Variants in GPC5 observed in about 807,000 individuals in gnomAD.
GPC5 encodes glypican 5.
Under a neutral mutation model 53.9 loss-of-function variants are expected in GPC5, and 47 were observed. The observed-to-expected ratio is 0.87, with a 90% CI of 0.69 to 1.11. The LOEUF is 1.11. Among genes scored for constraint, GPC5 ranks in the 50% most tolerant of loss-of-function variants. GPC5 has a pLI of 0.00. For synonymous variants in GPC5, 286 were observed against 263.3 expected, an observed-to-expected ratio of 1.09 and a Z score of -0.84; for missense variants, 748 against 713.1, an observed-to-expected ratio of 1.05 and a Z score of -0.56.
At chr13:91,469,266 G>C (rs1594129225) in intron 2 of GPC5, among the ~76,000 whole-genome samples, 1 of 151,912 alleles carries the variant, frequency 6.6e-6, no homozygotes, top group Non-Finnish European at 1.5e-5. Context: ...GCACCACCAT[G>C]TCCAGCTCAT....
At chr13:92,124,638 C>A (rs2041679722) in intron 6 of GPC5, among the ~76,000 whole-genome samples, 1 of 152,152 alleles carries the variant, frequency 6.6e-6, no homozygotes, top group Non-Finnish European at 1.5e-5. Context: ...CAGACTTCTG[C>A]ATACACAGAG....
At chr13:91,851,572 C>T (rs983386329) in intron 5 of GPC5, among the ~76,000 whole-genome samples, 3 of 150,716 alleles carry the variant, frequency 2.0e-5, no homozygotes, top group African/African-American at 4.9e-5. Flanking sequence ...CATATGTATA[C>T]ATGTGCCATG....
intron 3 of GPC5, among the ~76,000 whole-genome samples, chr13:91,704,504 C>A (rs1221145497): frequency 6.6e-6 from 1 of 152,182 alleles, no homozygotes; most frequent in Non-Finnish European, 1.5e-5. Context: ...CATACAGCAT[C>A]ATGGCAGTCA....
Position 91,811,332 on chromosome 13 carries a change from A to AAGAC in GPC5, c.1280+54912_1280+54913insAGAC, listed in dbSNP as rs1240807135. 1.7e-4 allele frequency among the ~76,000 whole-genome samples: 26 copies of AAGAC among 152,208 alleles called. No individual in the cohort carries two copies. The East Asian group carries it at 2.3e-3, about 14-fold the overall frequency. ...CTAACAGGGAAGACAGATAAGTGTT[A>AAGAC]CTTATCTGTAAGGTGTTTCTCTAAT... On this transcript the variant is annotated intron_variant, in intron 5 of 7. Transcript: ENST00000377067.
intron 2 of GPC5, among the ~76,000 whole-genome samples, chr13:91,500,982 G>T (rs1192042459): frequency 6.6e-6 from 1 of 152,092 alleles, no homozygotes; most frequent in African/African-American, 2.4e-5. Flanking sequence ...TGGAAGATGT[G>T]CCTTTCACCT....
At chr13:92,341,098 T>G (rs2043362680) in intron 7 of GPC5, among the ~76,000 whole-genome samples, 1 of 152,158 alleles carries the variant, frequency 6.6e-6, no homozygotes, top group Non-Finnish European at 1.5e-5. Context: ...ATTTTTATTT[T>G]AGTTTCAGGA....
At chr13:92,190,186 G>A (rs939748991) in intron 7 of GPC5, among the ~76,000 whole-genome samples, 2 of 151,686 alleles carry the variant, frequency 1.3e-5, no homozygotes, top group Non-Finnish European at 2.9e-5. Context: ...AATATTCAAA[G>A]TGTTGAGAGA....
intron 7 of GPC5, among the ~76,000 whole-genome samples, chr13:92,155,726 A>G (rs1242426072): frequency 2.0e-5 from 3 of 151,568 alleles, no homozygotes; most frequent in African/African-American, 7.2e-5. Context: ...TGCACATTGT[A>G]TTTATTTTTG....
chr13:92,088,187 A>G (rs1348744607), intron 6 of GPC5, among the ~76,000 whole-genome samples: 1 of 151,980 alleles, frequency 6.6e-6, no homozygotes, highest in African/African-American at 2.4e-5. Context: ...AGTAGCTTCT[A>G]TCCTAACTAC....
chr13:92,061,034 A>G (rs1413545565), intron 6 of GPC5, among the ~76,000 whole-genome samples: 3 of 151,980 alleles, frequency 2.0e-5, no homozygotes, highest in Admixed American at 2.0e-4. Context: ...CCTCCCCAGG[A>G]ATTACTTTTG....
At chr13:91,547,217 G>T (rs1367914328) in intron 2 of GPC5, among the ~76,000 whole-genome samples, 3 of 152,046 alleles carry the variant, frequency 2.0e-5, no homozygotes, top group African/African-American at 7.2e-5. Context: ...AAGATATTTA[G>T]CAATATTGGT....
intron 7 of GPC5, among the ~76,000 whole-genome samples, chr13:92,179,806 T>C (rs2042133537): frequency 6.6e-6 from 1 of 152,242 alleles, no homozygotes; most frequent in Non-Finnish European, 1.5e-5. Context: ...GATTGAATTT[T>C]TTAAAGCAAA....
At chr13:91,963,360 A>C (rs2040144583) in intron 6 of GPC5, among the ~76,000 whole-genome samples, 1 of 152,166 alleles carries the variant, frequency 6.6e-6, no homozygotes, top group Non-Finnish European at 1.5e-5. Context: ...TATTTCCCCC[A>C]AATTTTCAAA....
intron 7 of GPC5, among the ~76,000 whole-genome samples, chr13:92,806,255 A>G (rs1221413571): frequency 6.6e-6 from 1 of 152,050 alleles, no homozygotes; most frequent in African/African-American, 2.4e-5. Flanking sequence ...CTTTTCTTCC[A>G]AAACTTTCCC....
chr13:92,634,739 C>T (rs1885359533), intron 7 of GPC5, among the ~76,000 whole-genome samples: 1 of 151,846 alleles, frequency 6.6e-6, no homozygotes, highest in African/African-American at 2.4e-5. Context: ...TCTCTCATTG[C>T]CTCTTTGCCC....
At chr13:92,492,302 AC>A (rs1216548382) in intron 7 of GPC5, among the ~76,000 whole-genome samples, 3 of 151,890 alleles carry the variant, frequency 2.0e-5, no homozygotes, top group Non-Finnish European at 4.4e-5. Flanking sequence ...CAATGAGAAC[AC>A]TTGGACACAG....
At chr13:92,296,032 T>A (rs903811631) in intron 7 of GPC5, among the ~76,000 whole-genome samples, 4 of 152,174 alleles carry the variant, frequency 2.6e-5, no homozygotes, top group African/African-American at 7.2e-5. Context: ...TTTTGTTTTT[T>A]AAGTTGTATT....
At chr13:91,570,262 G>A (rs1470536096) in intron 2 of GPC5, among the ~76,000 whole-genome samples, 3 of 152,072 alleles carry the variant, frequency 2.0e-5, no homozygotes, top group Non-Finnish European at 4.4e-5. Flanking sequence ...TCCACAGTGA[G>A]CATCACAACA....
chr13:91,933,178 A>G (rs1206832552), intron 6 of GPC5, among the ~76,000 whole-genome samples: 1 of 151,910 alleles, frequency 6.6e-6, no homozygotes, highest in African/African-American at 2.4e-5. Flanking sequence ...CAACAGGCTT[A>G]GAGGAATTTC....
Sources: allele counts gnomAD v4.1 joint callset (sites outside exome capture counted in the v4.1 genomes callset), GRCh38; gene constraint gnomAD v4.1.1; transcripts MANE v1.5; gene names NCBI Gene and HGNC (gene_info 2026-07-23, HGNC 2026-07-21).